The following SDHAF3 variants were observed in gnomAD, a reference collection of about 807,000 sequenced individuals.
SDHAF3 encodes succinate dehydrogenase complex assembly factor 3.
Under a neutral mutation model 11.5 loss-of-function variants are expected in SDHAF3, and 18 were observed. The ratio of observed to expected loss-of-function variants is 1.56; its 90% confidence interval spans 1.08 to 2.32. The LOEUF (loss-of-function observed/expected upper bound fraction) is 2.32, where lower values mean the gene tolerates loss of function less well. SDHAF3 is among the 30% of genes most tolerant of loss of function. The pLI is 0.00. For synonymous variants in SDHAF3, 72 were observed against 59.3 expected (o/e 1.21, Z -0.99); for missense variants, 200 against 154.4 (o/e 1.30, Z -1.57).
At chr7:97,135,629 T>A (rs942848598) in intron 1 of SDHAF3, 5 of 122,484 alleles carry the variant, frequency 4.1e-5, no homozygotes, top group African/African-American at 1.6e-4. Context: ...GTGAGATGTA[T>A]GTGCGTGCGT....
intron 1 of SDHAF3, among the ~76,000 whole-genome samples, chr7:97,171,156 C>T (rs1021944205): frequency 6.6e-6 from 1 of 151,934 alleles, no homozygotes; most frequent in Non-Finnish European, 1.5e-5. Context: ...CTCTAGGAGG[C>T]ATGATATTTT....
intron 1 of SDHAF3, among the ~76,000 whole-genome samples, chr7:97,122,346 A>G (rs1341209410): frequency 6.6e-6 from 1 of 152,202 alleles, no homozygotes; most frequent in Non-Finnish European, 1.5e-5. Flanking sequence ...ACATTCTAGA[A>G]AGATCATGTT....
At chr7:97,150,854 A>C (rs896856324) in intron 1 of SDHAF3, among the ~76,000 whole-genome samples, 1 of 151,688 alleles carries the variant, frequency 6.6e-6, no homozygotes, top group African/African-American at 2.4e-5. Context: ...GAGCCACCGC[A>C]CCCGGCCTAG....
intron 1 of SDHAF3, among the ~76,000 whole-genome samples, chr7:97,140,511 G>A (rs549031877): frequency 3.9e-4 from 60 of 152,006 alleles, no homozygotes; most frequent in African/African-American, 1.3e-3. Context: ...CAGGGACCCC[G>A]AATGGAGGGA....
intron 1 of SDHAF3, among the ~76,000 whole-genome samples, chr7:97,123,713 T>C (rs1305565084): frequency 6.6e-6 from 1 of 152,074 alleles, no homozygotes; most frequent in Non-Finnish European, 1.5e-5. Context: ...TGGTATCTCA[T>C]TGTGGTTTTG....
intron 1 of SDHAF3, among the ~76,000 whole-genome samples, chr7:97,131,800 C>G (rs184952875): frequency 2.8e-4 from 42 of 152,182 alleles, no homozygotes; most frequent in African/African-American, 9.9e-4. Flanking sequence ...ATAGGTCATT[C>G]TGTGATTTAC....
chr7:97,128,149 C>T lies in SDHAF3; in HGVS notation c.174+10252C>T, dbSNP rs533163311. ...CTGACACCAAGTGATCCACTTGCCT[C>T]GGCCTCCCAAAGTCAAGTTTTAACT... On this transcript the variant is annotated intron_variant, in intron 1 of 1. Transcript: ENST00000432641. Among the ~76,000 whole-genome samples, 6 of 152,148 alleles carry T rather than the reference C, an allele frequency of 3.9e-5. No homozygotes were observed. The East Asian group carries it at 5.8e-4, about 15-fold the overall frequency.
chr7:97,127,606 G>T (rs73708860), intron 1 of SDHAF3, among the ~76,000 whole-genome samples: 1 of 152,086 alleles, frequency 6.6e-6, no homozygotes, highest in East Asian at 1.9e-4. Flanking sequence ...ATTAGGATTG[G>T]ATGGGTATTT....
At chr7:97,133,571 T>G (rs1284542105) in intron 1 of SDHAF3, among the ~76,000 whole-genome samples, 2 of 152,226 alleles carry the variant, frequency 1.3e-5, no homozygotes, top group African/African-American at 2.4e-5. Context: ...CCTTTATTTT[T>G]AGGTTTACCA....
At chr7:97,177,685 A>G (rs75495229) in intron 1 of SDHAF3, among the ~76,000 whole-genome samples, 13,618 of 152,156 alleles carry the variant, frequency 0.09, 694 homozygotes, top group South Asian at 0.15. Context: ...CTGTATTTTC[A>G]AGTTCATGAA....
chr7:97,160,471 G>A (rs1489648146), intron 1 of SDHAF3, among the ~76,000 whole-genome samples: 3 of 151,768 alleles, frequency 2.0e-5, no homozygotes, highest in Admixed American at 6.6e-5. Context: ...AGGGGGAAAT[G>A]TGGGGAAAAG....
At chr7:97,144,834 C>T (rs1789111701) in intron 1 of SDHAF3, among the ~76,000 whole-genome samples, 1 of 152,110 alleles carries the variant, frequency 6.6e-6, no homozygotes, top group Non-Finnish European at 1.5e-5. Context: ...TTTTGTAATT[C>T]TGTGAAGAAT....
rs71131003 is a variant in SDHAF3, at chr7:97,142,042, C to CTTTTTTTTTTTT, written c.174+24163_174+24174dup. On this transcript the variant is annotated intron_variant, in intron 1 of 1. Coordinates refer to ENST00000432641, the MANE Select transcript of SDHAF3 (RefSeq NM_020186.3). ...AGCAATGAAATGTGTGAATTGTTGT[C>CTTTTTTTTTTTT]TTTTTTTTTTTTTTTTTTTTTTTTT... 1.1e-3 allele frequency among the ~76,000 whole-genome samples: 67 copies of CTTTTTTTTTTTT among 61,690 alleles called. 19 individuals are homozygous for CTTTTTTTTTTTT. Among genetic ancestry groups the CTTTTTTTTTTTT allele is most frequent in the East Asian group, 9.4e-3 (14 of 1,486 alleles). The allele number at this position is 61,690 out of a possible 152,430, so 40.5% of individuals were successfully genotyped here. A position where few individuals can be genotyped will look rare whatever the true frequency, so the allele number is the denominator to read the frequency against.
intron 1 of SDHAF3, among the ~76,000 whole-genome samples, chr7:97,160,037 G>A (rs184965209): frequency 3.1e-3 from 478 of 152,116 alleles, no homozygotes; most frequent in Admixed American, 7.7e-3. Flanking sequence ...GCCACCCTTC[G>A]TCTGGGAGGT....
At chr7:97,142,915 T>TTA (rs1554351915) in intron 1 of SDHAF3, 3 of 144,502 alleles carry the variant, frequency 2.1e-5, no homozygotes, top group Admixed American at 7.1e-5. Flanking sequence ...TTTTTTTTTT[T>TTA]AGACAGAGTC....
intron 1 of SDHAF3, among the ~76,000 whole-genome samples, chr7:97,167,451 T>A (rs1357309567): frequency 6.6e-6 from 1 of 152,200 alleles, no homozygotes; most frequent in Admixed American, 6.5e-5. Flanking sequence ...GTAGTTTTTT[T>A]AATAGAGAAG....
At chr7:97,160,099 C>CCCGG (rs1448798390) in intron 1 of SDHAF3, among the ~76,000 whole-genome samples, 12 of 150,556 alleles carry the variant, frequency 8.0e-5, no homozygotes, top group African/African-American at 2.7e-4. Context: ...AGCGCCTCTG[C>CCCGG]CCGGCCGTCC....
At chr7:97,139,507 G>C (rs1268409377) in intron 1 of SDHAF3, among the ~76,000 whole-genome samples, 3 of 152,202 alleles carry the variant, frequency 2.0e-5, no homozygotes, top group African/African-American at 4.8e-5. Flanking sequence ...TGAAGGGTGA[G>C]GATCAATCAG....
In SDHAF3 at chr7:97,181,094, C is replaced by T; in HGVS notation, c.257C>T (p.Pro86Leu). ...AAAGCATGTTTTGGCACCTTCCTCCCAGAAGAAAAACTTAATGACTTTCGT... is the reference window on the plus strand; with the variant it reads ...AAAGCATGTTTTGGCACCTTCCTCCTAGAAGAAAAACTTAATGACTTTCGT... ...TGKACFGTFL[P>L]EEKLNDFRDE... The change falls in exon 2 of 2, where the codon CCA becomes CTA. Residue 86 changes from proline (P) to leucine (L), a missense_variant. Pro to Leu is a moderately conservative substitution (Grantham distance 98, BLOSUM62 -3). Coordinates refer to ENST00000432641, the MANE Select transcript of SDHAF3 (RefSeq NM_020186.3). The T allele has an allele frequency of 2.5e-6, 4 of 1,613,928 alleles. No individual in the cohort carries two copies. The highest frequency in any genetic ancestry group is 3.4e-6 in the Non-Finnish European group (4 of 1,179,924).
Sources: gnomAD v4.1 joint callset for allele counts (sites outside exome capture counted in the v4.1 genomes callset) on GRCh38, gnomAD v4.1.1 for gene constraint, MANE v1.5 for transcripts, NCBI Gene and HGNC (gene_info 2026-07-23, HGNC 2026-07-21) for gene names.